The following ABI3BP variants were observed in gnomAD, a reference collection of about 807,000 sequenced individuals.
ABI3BP encodes ABI family member 3 binding protein.
A neutral mutation model predicts 268.6 loss-of-function variants in ABI3BP; 216 were observed. The ratio of observed to expected loss-of-function variants is 0.80; its 90% CI spans 0.72 to 0.90. The LOEUF is 0.90. ABI3BP is among the 40% of genes least tolerant of loss of function. The pLI, the probability that ABI3BP is intolerant of heterozygous loss-of-function variation, is 0.00. For missense variants in ABI3BP, 2,090 were observed against 2,182.4 expected (o/e 0.96, Z 0.84); for synonymous variants, 730 against 730.0 (o/e 1.00, Z 0.00).
intron 64 of ABI3BP, 76 bp downstream of exon 64, chr3:100,754,536 C>T: frequency 7.0e-7 from 1 of 1,431,366 alleles, no homozygotes. Flanking sequence ...GGGTTTCAAA[C>T]AAACTTCCTA....
At chr3:100,764,738 T>A (rs1272091490) in intron 63 of ABI3BP, among the ~76,000 whole-genome samples, 1 of 152,200 alleles carries the variant, frequency 6.6e-6, no homozygotes, top group African/African-American at 2.4e-5. Flanking sequence ...CCTTCAAATA[T>A]ATTATGGCAA....
intron 6 of ABI3BP, among the ~76,000 whole-genome samples, chr3:100,884,028 A>G (rs1279326593): frequency 1.3e-5 from 2 of 152,128 alleles, no homozygotes; most frequent in East Asian, 3.8e-4. Context: ...AAGTGAAAAC[A>G]GCAAGATAGA....
intron 50 of ABI3BP, among the ~76,000 whole-genome samples, chr3:100,806,906 T>C (rs1286538387): frequency 3.3e-5 from 5 of 152,156 alleles, no homozygotes; most frequent in South Asian, 2.1e-4. Flanking sequence ...CCTGATTTAC[T>C]ATACCGCATT....
At chr3:100,842,110 T>C in intron 20 of ABI3BP, 71 bp from the exon 21 acceptor site, 1 of 1,314,370 alleles carries the variant, frequency 7.6e-7, no homozygotes, top group Non-Finnish European at 1.1e-6. Flanking sequence ...GACATGTTCT[T>C]GACTATAAAC....
chr3:100,982,075 T>C (rs542035901), intron 1 of ABI3BP, among the ~76,000 whole-genome samples: 1 of 152,216 alleles, frequency 6.6e-6, no homozygotes, highest in Admixed American at 6.5e-5. Flanking sequence ...ACAACTTACA[T>C]GGCAGCAGGC....
At chr3:100,912,113 T>G in intron 2 of ABI3BP, 1 of 575,170 alleles carries the variant, frequency 1.7e-6, no homozygotes, top group Non-Finnish European at 3.2e-6. Flanking sequence ...TCCCAGACAG[T>G]GCTGGGGTTG....
intron 4 of ABI3BP, among the ~76,000 whole-genome samples, chr3:100,895,952 C>T (rs983097384): frequency 4.6e-5 from 7 of 151,990 alleles, no homozygotes; most frequent in South Asian, 2.1e-4. Context: ...CTTTAAATGT[C>T]GGTTTATTAA....
chr3:100,937,562 A>G (rs2066749390), intron 1 of ABI3BP, among the ~76,000 whole-genome samples: 1 of 151,954 alleles, frequency 6.6e-6, no homozygotes, highest in African/African-American at 2.4e-5. Context: ...ACGGGCTATG[A>G]CTTTCCTCAT....
chr3:100,890,641 C>T (rs2044148234), intron 4 of ABI3BP, among the ~76,000 whole-genome samples: 1 of 152,142 alleles, frequency 6.6e-6, no homozygotes, highest in Non-Finnish European at 1.5e-5. Flanking sequence ...TGTCTTCTCC[C>T]ACTTTCTTAC....
At chr3:100,864,628 A>G in intron 11 of ABI3BP, 1 of 526,672 alleles carries the variant, frequency 1.9e-6, no homozygotes, top group Non-Finnish European at 3.3e-6. Context: ...CCAGAAGTTC[A>G]GTCACCAGGA....
intron 20 of ABI3BP, chr3:100,844,213 A>AT: frequency 1.0e-6 from 1 of 985,458 alleles, no homozygotes; most frequent in Non-Finnish European, 1.2e-6. Flanking sequence ...AATGAGAACA[A>AT]TTTACAATTC....
intron 51 of ABI3BP, among the ~76,000 whole-genome samples, chr3:100,801,320 T>A (rs1418435147): frequency 6.7e-6 from 1 of 150,142 alleles, no homozygotes; most frequent in African/African-American, 2.5e-5. Context: ...CCCAGCTACT[T>A]GGGAGGCTGA....
At chr3:100,924,151 C>A (rs1182932151) in intron 2 of ABI3BP, among the ~76,000 whole-genome samples, 1 of 151,910 alleles carries the variant, frequency 6.6e-6, no homozygotes. Flanking sequence ...ATATAGAATA[C>A]GGACATTCTC....
At chr3:100,879,642 C>T (rs562672508) in intron 6 of ABI3BP, among the ~76,000 whole-genome samples, 1 of 152,178 alleles carries the variant, frequency 6.6e-6, no homozygotes, top group Non-Finnish European at 1.5e-5. Context: ...GACTCCAGTA[C>T]AGACCAGTGT....
chr3:100,894,827 T>A (rs1582347368), intron 4 of ABI3BP, among the ~76,000 whole-genome samples: 1 of 150,358 alleles, frequency 6.7e-6, no homozygotes. Context: ...TAGTCCCAGC[T>A]ACTCGGGAGG....
chr3:100,965,323 G>A (rs889139038), intron 1 of ABI3BP, among the ~76,000 whole-genome samples: 1 of 152,018 alleles, frequency 6.6e-6, no homozygotes, highest in African/African-American at 2.4e-5. Context: ...ACAAAATTCT[G>A]GGCCATTCAA....
chr3:100,976,465 G>C (rs1287780697), intron 1 of ABI3BP, among the ~76,000 whole-genome samples: 1 of 152,124 alleles, frequency 6.6e-6, no homozygotes, highest in East Asian at 1.9e-4. Flanking sequence ...TCCTTCCTCA[G>C]TTTAGCATTT....
intron 57 of ABI3BP, among the ~76,000 whole-genome samples, chr3:100,784,389 C>A (rs771198361): frequency 7.2e-5 from 11 of 151,970 alleles, no homozygotes; most frequent in African/African-American, 2.7e-4. Flanking sequence ...GATGAGATGG[C>A]GTGGATGTAG....
chr3:100,845,071 CAGAA>C (rs2152974491), intron 20 of ABI3BP, among the ~76,000 whole-genome samples: 1 of 152,218 alleles, frequency 6.6e-6, no homozygotes, highest in South Asian at 2.1e-4. Context: ...GTTGTAATAA[CAGAA>C]ATAATTCATT....
Sources: gnomAD v4.1 joint callset for allele counts (sites outside exome capture counted in the v4.1 genomes callset) on GRCh38, gnomAD v4.1.1 for gene constraint, MANE v1.5 for transcripts, NCBI Gene and HGNC (gene_info 2026-07-23, HGNC 2026-07-21) for gene names.